The following MBD5 variants were observed in gnomAD, a reference collection of about 807,000 sequenced individuals.
MBD5 encodes the protein methyl-CpG binding domain protein 5.
In MBD5, 13 loss-of-function variants were observed where a neutral mutation model predicts 117.3. That is an observed-to-expected ratio of 0.11 (90% CI 0.07 to 0.18). MBD5 has a LOEUF of 0.18. Ranked by LOEUF, MBD5 falls within the 10% of genes least tolerant of loss-of-function variation. MBD5 has a pLI of 1.00. For synonymous variants in MBD5, 727 were observed against 766.4 expected, an observed-to-expected ratio of 0.95 and a Z score of 0.85; for missense variants, 1,879 against 2,093.8, an observed-to-expected ratio of 0.90 and a Z score of 2.00.
In MBD5 at chr2:148,150,301, T is replaced by C. The variant is rs867553646; in HGVS notation, c.-924-28399T>C. The stretch of plus-strand genomic sequence containing the variant: ...CTCTGTTCTGTTCCATTGATCTATA[T>C]CTCTGTTTTGGTACCAGTACCATGC... On this transcript the variant is annotated intron_variant, in intron 1 of 13. Transcript: ENST00000642680. 3.8e-4 allele frequency among the ~76,000 whole-genome samples: 57 copies of C among 150,276 alleles called. 1 individual carries two copies. The highest frequency in any genetic ancestry group is 3.4e-3 in the Middle Eastern group (1 of 290).
At chr2:148,072,308 TA>T (rs1433959790) in intron 1 of MBD5, among the ~76,000 whole-genome samples, 1 of 152,318 alleles carries the variant, frequency 6.6e-6, no homozygotes, top group East Asian at 1.9e-4. Context: ...ATAAATTTAC[TA>T]AATTATAACA....
intron 1 of MBD5, among the ~76,000 whole-genome samples, chr2:148,131,082 G>A (rs1697034445): frequency 6.6e-6 from 1 of 152,054 alleles, no homozygotes; most frequent in Non-Finnish European, 1.5e-5. Context: ...TTTTATAAAG[G>A]GGAGTTATAG....
intron 2 of MBD5, among the ~76,000 whole-genome samples, chr2:148,197,806 G>GTTTTTTTTTTTTT (rs67499597): frequency 2.2e-5 from 2 of 92,512 alleles, no homozygotes; most frequent in African/African-American, 4.5e-5. Context: ...TTTTTTTTTT[G>GTTTTTTTTTTTTT]TTTTTTTTTT....
intron 10 of MBD5, 44 bp from the exon 11 acceptor site, chr2:148,489,342 A>C: frequency 6.2e-7 from 1 of 1,613,192 alleles, no homozygotes; most frequent in Non-Finnish European, 8.5e-7. Flanking sequence ...GAGGCCTCAA[A>C]ATTATTTCCC....
intron 1 of MBD5, among the ~76,000 whole-genome samples, chr2:148,072,741 TATTAACTAAA>T (rs1269885680): frequency 1.3e-5 from 2 of 152,210 alleles, no homozygotes; most frequent in Admixed American, 6.5e-5. Context: ...CAGATTTAGT[TATTAACTAAA>T]AAGTTTTTTT....
At chr2:148,115,012 C>T (rs915617744) in intron 1 of MBD5, among the ~76,000 whole-genome samples, 4 of 151,954 alleles carry the variant, frequency 2.6e-5, no homozygotes, top group African/African-American at 9.7e-5. Flanking sequence ...AAAGTATCTG[C>T]ATATACATAC....
intron 1 of MBD5, among the ~76,000 whole-genome samples, chr2:148,165,927 C>T (rs762894987): frequency 1.8e-4 from 28 of 152,094 alleles, no homozygotes; most frequent in Non-Finnish European, 3.2e-4. Context: ...TATTTTTCTG[C>T]ATAGTGATTT....
intron 3 of MBD5, among the ~76,000 whole-genome samples, chr2:148,324,630 C>T (rs1702391253): frequency 6.6e-6 from 1 of 151,796 alleles, no homozygotes; most frequent in Admixed American, 6.6e-5. Context: ...ATTTGGCTCT[C>T]TGTTTGTCTG....
At chr2:148,337,560 G>A (rs1702829535) in intron 3 of MBD5, among the ~76,000 whole-genome samples, 1 of 152,188 alleles carries the variant, frequency 6.6e-6, no homozygotes, top group Non-Finnish European at 1.5e-5. Flanking sequence ...ATGTATGAAA[G>A]TGGTAATGGG....
intron 8 of MBD5, among the ~76,000 whole-genome samples, chr2:148,473,092 G>C (rs1340391524): frequency 1.3e-5 from 2 of 152,080 alleles, no homozygotes; most frequent in African/African-American, 2.4e-5. Context: ...ATGTTCAATA[G>C]ATAATAAATT....
At chr2:148,442,257 G>A (rs998752409) in intron 4 of MBD5, among the ~76,000 whole-genome samples, 2 of 151,358 alleles carry the variant, frequency 1.3e-5, no homozygotes, top group African/African-American at 4.9e-5. Context: ...CTTGGTATAT[G>A]CCTACTGATT....
chr2:148,257,793 C>G (rs1188166550), intron 3 of MBD5, among the ~76,000 whole-genome samples: 2 of 152,190 alleles, frequency 1.3e-5, no homozygotes, highest in African/African-American at 2.4e-5. Context: ...TGAAGGCGAA[C>G]TGTTCCTGGC....
chr2:148,330,088 T>TACACACACACACACACACAC (rs377202803), intron 3 of MBD5, among the ~76,000 whole-genome samples: 4,047 of 40,140 alleles, frequency 0.1, 321 homozygotes, highest in East Asian at 0.19. Flanking sequence ...CCTCCTGCCA[T>TACACACACACACACACACAC]ACACACACAC....
intron 1 of MBD5, among the ~76,000 whole-genome samples, chr2:148,112,761 GA>G (rs987319107): frequency 4.1e-4 from 61 of 147,426 alleles, no homozygotes; most frequent in Admixed American, 1.1e-3. Context: ...GCTGAAATTG[GA>G]AAAAAAAAAA....
chr2:148,425,761 C>T (rs1449995550), intron 4 of MBD5, among the ~76,000 whole-genome samples: 2 of 152,182 alleles, frequency 1.3e-5, no homozygotes, highest in Non-Finnish European at 2.9e-5. Flanking sequence ...TAATCCATCA[C>T]ATAAACAGAA....
At chr2:148,273,230 T>C (rs143882327) in intron 3 of MBD5, among the ~76,000 whole-genome samples, 90 of 152,226 alleles carry the variant, frequency 5.9e-4, no homozygotes, top group Non-Finnish European at 9.3e-4. Flanking sequence ...GCACTAACTA[T>C]GGGAGGAATT....
chr2:148,242,804 T>C (rs1043354428), intron 3 of MBD5, among the ~76,000 whole-genome samples: 7 of 152,234 alleles, frequency 4.6e-5, no homozygotes, highest in Admixed American at 2.6e-4. Flanking sequence ...TTGAATGGTC[T>C]CTGCAATGAG....
chr2:148,143,874 C>G (rs1020590678), intron 1 of MBD5, among the ~76,000 whole-genome samples: 3 of 151,862 alleles, frequency 2.0e-5, no homozygotes, highest in Non-Finnish European at 2.9e-5. Flanking sequence ...TGGGTTGGTT[C>G]CAAGTCTTTG....
intron 4 of MBD5, among the ~76,000 whole-genome samples, chr2:148,452,998 A>C (rs927824719): frequency 8.5e-5 from 13 of 152,358 alleles, no homozygotes; most frequent in East Asian, 5.8e-4. Flanking sequence ...GACTAATTAG[A>C]ATATGCACAG....
Sources: allele counts gnomAD v4.1 joint callset (sites outside exome capture counted in the v4.1 genomes callset), GRCh38; gene constraint gnomAD v4.1.1; transcripts MANE v1.5; gene names NCBI Gene and HGNC (gene_info 2026-07-23, HGNC 2026-07-21).